SDK2: variants seen among roughly 807,000 people sequenced by gnomAD.
SDK2 encodes the protein sidekick cell adhesion molecule 2, also known as protein sidekick-2.
In SDK2, 105 loss-of-function variants were observed where a neutral mutation model predicts 253.9. That is an observed-to-expected ratio of 0.41 (90% CI 0.35 to 0.49). The LOEUF (loss-of-function observed/expected upper bound fraction) is 0.49, where lower values mean the gene tolerates loss of function less well. Ranked by LOEUF, SDK2 falls within the 20% of genes least tolerant of loss-of-function variation. The pLI is 0.06. For missense variants in SDK2, 2,608 were observed against 3,003.0 expected, an observed-to-expected ratio of 0.87 and a Z score of 3.07; for synonymous variants, 1,249 against 1,234.9, an observed-to-expected ratio of 1.01 and a Z score of -0.24.
In SDK2 at chr17:73,429,281, A is replaced by C. The variant is rs574311365; in HGVS notation, c.1583+1230T>G. On this transcript the variant is annotated intron_variant, in intron 12 of 44. Coordinates refer to ENST00000392650, the MANE Select transcript of SDK2 (RefSeq NM_001144952.2). ...ACAGTTGGTATGTTAATTTTTTAAG[A>C]AAAATCTATTAAACCCAGAAATAAG... Among the ~76,000 whole-genome samples the C allele has an allele frequency of 5.3e-5, 8 of 152,320 alleles. No homozygotes were observed. In the East Asian group the frequency reaches 1.4e-3, roughly 26 times the overall value.
At chr17:73,556,128 C>G (rs2045139606) in intron 1 of SDK2, among the ~76,000 whole-genome samples, 1 of 152,166 alleles carries the variant, frequency 6.6e-6, no homozygotes, top group Non-Finnish European at 1.5e-5. Flanking sequence ...ACGACACATG[C>G]AGGGACCATT....
At chr17:73,506,763 G>A (rs35427231) in intron 2 of SDK2, among the ~76,000 whole-genome samples, 33,022 of 152,256 alleles carry the variant, frequency 0.22, 4,075 homozygotes, top group East Asian at 0.32. Context: ...AGGAAAGGCT[G>A]GAGGCCAGGG....
At position 73,383,432 on chromosome 17, in the gene SDK2, C is replaced by T. The variant is rs1836501667; in HGVS notation, c.4705+444G>A. Among the ~76,000 whole-genome samples, 1 of 152,202 alleles carries T rather than the reference C, an allele frequency of 6.6e-6. No individual in the cohort carries two copies. The highest frequency in any genetic ancestry group is 1.5e-5 in the Non-Finnish European group (1 of 68,036). On this transcript the variant is annotated intron_variant, in intron 33 of 44. Transcript: ENST00000392650. This position sits in a 1 kb window ranked among gnomAD's most constrained non-coding sequence, Gnocchi z 4.3. ...GCTCTAGGGGTGTGACCAGGTGAGG[C>T]TTCTGGTCCCTCAAGGGCAGGGTGC...
chr17:73,611,187 G>A (rs1192028899), intron 1 of SDK2, among the ~76,000 whole-genome samples: 1 of 152,162 alleles, frequency 6.6e-6, no homozygotes, highest in African/African-American at 2.4e-5. Flanking sequence ...TCCCAGGAGG[G>A]GGATTTAGAA....
chr17:73,376,311 A>G (rs926532114), intron 36 of SDK2, among the ~76,000 whole-genome samples: 2 of 152,086 alleles, frequency 1.3e-5, no homozygotes, highest in African/African-American at 2.4e-5. Context: ...CCTCCCTAAC[A>G]TCTAAGCTCA....
intron 1 of SDK2, among the ~76,000 whole-genome samples, chr17:73,626,035 G>A (rs2046196132): frequency 6.6e-6 from 1 of 151,904 alleles, no homozygotes; most frequent in South Asian, 2.1e-4. Context: ...CCCTTTCCGA[G>A]CTGCTCCTGG....
Position 73,401,202 on chromosome 17 carries a change from A to G in SDK2, c.2789T>C (p.Ile930Thr). Reference protein sequence around the residue: ...EKNGILTGYRISWEEYNRTNT... With the variant: ...EKNGILTGYRTSWEEYNRTNT... Reference sequence around the variant, plus strand: ...GGTTCGATTGTACTCCTCCCAGGAGATCCGGTACCCTGGGGAGAGCCGCCG... The same window carrying G: ...GGTTCGATTGTACTCCTCCCAGGAGGTCCGGTACCCTGGGGAGAGCCGCCG... Residue 930 changes from isoleucine (I) to threonine (T), a missense_variant, in exon 21 of 45, where the codon ATC becomes ACC. Around this residue, in one of 2 missense-constraint regions of SDK2, gnomAD observed 1,505 missense variants for 1,859.1 expected, o/e 0.81. Coordinates refer to ENST00000392650, the MANE Select transcript of SDK2 (RefSeq NM_001144952.2). 6.5e-7 allele frequency: 1 copy of G among 1,549,574 alleles called. No homozygotes were observed. Among genetic ancestry groups the G allele is most frequent in the Non-Finnish European group, 8.7e-7 (1 of 1,145,346 alleles).
chr17:73,577,272 A>G (rs2045470188), intron 1 of SDK2, among the ~76,000 whole-genome samples: 1 of 152,236 alleles, frequency 6.6e-6, no homozygotes, highest in Non-Finnish European at 1.5e-5. Context: ...AGTGGAATTT[A>G]TCCAAAAAAA....
chr17:73,516,424 A>G (rs2145777666), intron 1 of SDK2, among the ~76,000 whole-genome samples: 1 of 152,330 alleles, frequency 6.6e-6, no homozygotes, highest in Non-Finnish European at 1.5e-5. Flanking sequence ...TAAAGGCTGC[A>G]GGGCCTGGGG....
intron 1 of SDK2, among the ~76,000 whole-genome samples, chr17:73,606,787 C>T (rs1201803854): frequency 1.3e-5 from 2 of 152,160 alleles, no homozygotes; most frequent in Non-Finnish European, 2.9e-5. Flanking sequence ...AGGGAACAGG[C>T]TCTATTAGTC....
At chr17:73,399,419 A>T (rs2063002988) in intron 21 of SDK2, 130 bp from the exon 22 acceptor site, 1 of 938,490 alleles carries the variant, frequency 1.1e-6, no homozygotes, top group Non-Finnish European at 1.6e-6. Flanking sequence ...AAGCACAGCC[A>T]CGGCCCCACT....
intron 16 of SDK2, 114 bp downstream of exon 16, chr17:73,419,052 T>C: frequency 8.3e-7 from 1 of 1,210,298 alleles, no homozygotes; most frequent in Non-Finnish European, 1.2e-6. Context: ...ACCTAGTCCT[T>C]CCTAGATGGC....
At chr17:73,373,362 T>A (rs1455464191) in intron 36 of SDK2, among the ~76,000 whole-genome samples, 1 of 152,240 alleles carries the variant, frequency 6.6e-6, no homozygotes, top group African/African-American at 2.4e-5. Context: ...TCATTTCAAT[T>A]CCTTTGGATA....
chr17:73,533,692 C>G (rs1894472457), intron 1 of SDK2, among the ~76,000 whole-genome samples: 1 of 137,718 alleles, frequency 7.3e-6, no homozygotes, highest in Non-Finnish European at 1.6e-5. Context: ...CACCCCCCCA[C>G]CCCCCCAGAC....
intron 32 of SDK2, among the ~76,000 whole-genome samples, chr17:73,385,254 G>A (rs1189330107): frequency 2.0e-5 from 3 of 152,200 alleles, no homozygotes; most frequent in African/African-American, 7.2e-5. Context: ...GGACCCATGA[G>A]CAGCCTGGTC....
At chr17:73,543,449 G>A (rs1198830530) in intron 1 of SDK2, among the ~76,000 whole-genome samples, 2 of 152,216 alleles carry the variant, frequency 1.3e-5, no homozygotes, top group South Asian at 4.1e-4. Flanking sequence ...ATTCCTCCAT[G>A]TGCAGATGCA....
At chr17:73,619,878 C>T (rs1487458969) in intron 1 of SDK2, among the ~76,000 whole-genome samples, 1 of 152,024 alleles carries the variant, frequency 6.6e-6, no homozygotes, top group Non-Finnish European at 1.5e-5. Flanking sequence ...AACTGAACAA[C>T]AACAACAACA....
intron 26 of SDK2, 45 bp from the exon 27 acceptor site, chr17:73,393,794 A>G: frequency 7.1e-7 from 1 of 1,404,092 alleles, no homozygotes; most frequent in Non-Finnish European, 9.5e-7. Flanking sequence ...CCTGCATCTC[A>G]CCCATCTACA....
At chr17:73,415,056 T>C in intron 17 of SDK2, among the ~76,000 whole-genome samples, 1 of 152,200 alleles carries the variant, frequency 6.6e-6, no homozygotes, top group Non-Finnish European at 1.5e-5. Flanking sequence ...AGCTGTTTCA[T>C]GATCTACTTA....
Sources: gnomAD v4.1 joint callset for allele counts (sites outside exome capture counted in the v4.1 genomes callset) on GRCh38, gnomAD v4.1.1 for gene constraint, gnomAD v4.1.1 regional missense constraint, Gnocchi (gnomAD v3.1) non-coding constraint, MANE v1.5 for transcripts, NCBI Gene and HGNC (gene_info 2026-07-23, HGNC 2026-07-21) for gene names.